Variants in NEXN observed in about 807,000 individuals in gnomAD.
NEXN encodes the protein nexilin.
NEXN carries 65 observed loss-of-function variants against 92.6 expected under a neutral mutation model. The ratio of observed to expected loss-of-function variants is 0.70; its 90% CI spans 0.57 to 0.86. The LOEUF (loss-of-function observed/expected upper bound fraction) is 0.86, where lower values mean the gene tolerates loss of function less well. NEXN is among the 40% of genes least tolerant of loss of function. The probability of loss-of-function intolerance (pLI) is 0.00; values close to 1 mark genes in which losing one functional copy is unlikely to be tolerated. For missense variants in NEXN, 778 were observed against 771.1 expected (o/e 1.01, Z -0.11); for synonymous variants, 254 against 242.5 (o/e 1.05, Z -0.44).
rs565626837 is a variant in NEXN at position 77,943,144 on chromosome 1, T to TG, written c.*322dup. 2.5e-5 allele frequency: 9 copies of TG among 354,294 alleles called. No homozygotes were observed. The highest frequency in any genetic ancestry group is 4.0e-5 in the Admixed American group (1 of 25,314). 21.9% of individuals were successfully genotyped at this position (354,294 alleles called of 1,614,324 possible). Reference sequence around the variant, plus strand: ...AGTAACAGTCAATAAAATGTACTTATGGGGGGGAATTACTCAATTATTCTA... The same window carrying TG: ...AGTAACAGTCAATAAAATGTACTTATGGGGGGGGAATTACTCAATTATTCTA... On this transcript the variant is annotated 3_prime_UTR_variant, in exon 13 of 13. Transcript: ENST00000334785.
intron 1 of NEXN, among the ~76,000 whole-genome samples, chr1:77,895,029 A>ATTTTTTTTTTTTTTTT (rs559226754): frequency 4.9e-5 from 3 of 61,652 alleles, no homozygotes; most frequent in African/African-American, 2.0e-4. Context: ...CTATAGTGTA[A>ATTTTTTTTTTTTTTTT]TTTTTTTTTT....
chr1:77,926,892 G>T lies in NEXN; in HGVS notation c.864G>T (p.Met288Ile), dbSNP rs371666396. The T allele has an allele frequency of 2.5e-6, 4 of 1,613,530 alleles. No individual in the cohort carries two copies. The highest frequency in any genetic ancestry group is 1.3e-5 in the African/African-American group (1 of 74,888). Residue 288 changes from methionine (M) to isoleucine (I), a missense_variant and splice_region_variant, in exon 8 of 13, where the codon ATG becomes ATT. Physicochemically the swap from Met to Ile is conservative, Grantham distance 10. Transcript: ENST00000334785. ...KRAFEEARRQ[M>I]VNEDEENQDT... ...CTTTTGAAGAAGCAAGGCGGCAAAT[G>T]GTAAATCTACATATTTAAACCTTAC... is the stretch of plus-strand genomic sequence containing the variant.
At position 77,917,850 on chromosome 1, in the gene NEXN, C is replaced by T. The variant is rs1363446744; in HGVS notation, c.219+93C>T. ...TCACATTAACCACATTTCACATTAA[C>T]TATAACTAAAATACTTTTCTGTATT... On this transcript the variant is annotated intron_variant, in intron 3 of 12. Transcript: ENST00000334785. The T allele has an allele frequency of 1.1e-5, 15 of 1,415,458 alleles. No homozygotes were observed. In the Admixed American group the frequency reaches 2.6e-4, roughly 24 times the overall value. The allele number at this position is 1,415,458 out of a possible 1,614,324, so 87.7% of individuals were successfully genotyped here. A position where few individuals can be genotyped will look rare whatever the true frequency, so the allele number is the denominator to read the frequency against.
At chr1:77,933,200 G>A in intron 9 of NEXN, 82 bp from the exon 10 acceptor site, 1 of 935,078 alleles carries the variant, frequency 1.1e-6, no homozygotes, top group Non-Finnish European at 1.6e-6. Context: ...ACAAAAAAAA[G>A]AAATCCCAGT....
At chr1:77,897,508 C>T (rs923087668) in intron 1 of NEXN, among the ~76,000 whole-genome samples, 1 of 152,108 alleles carries the variant, frequency 6.6e-6, no homozygotes, top group African/African-American at 2.4e-5. Context: ...TGGGATGTAT[C>T]TCAAAATAAT....
Position 77,936,044 on chromosome 1 carries a change from G to T in NEXN, c.1473G>T (p.Glu491Asp). ...IKEREAENFH[E>D]EDDVDVRPAR... Reference sequence around the variant, plus strand: ...AGCGAGAAGCTGAAAATTTTCATGAGGTATATTACCTTTATATTTAACATA... The same window carrying T: ...AGCGAGAAGCTGAAAATTTTCATGATGTATATTACCTTTATATTTAACATA... The change falls in exon 11 of 13, where the codon GAG becomes GAT. Residue 491 changes from glutamate (E) to aspartate (D), a missense_variant and splice_region_variant. By Grantham distance (45) the Glu-to-Asp change is conservative. Coordinates refer to ENST00000334785, the MANE Select transcript of NEXN (RefSeq NM_144573.4). The T allele has an allele frequency of 1.3e-6, 2 of 1,592,350 alleles. No individual in the cohort carries two copies. The highest frequency in any genetic ancestry group is 1.7e-6 in the Non-Finnish European group (2 of 1,160,738).
chr1:77,931,344 C>T (rs949062660), intron 9 of NEXN, among the ~76,000 whole-genome samples: 1 of 129,640 alleles, frequency 7.7e-6, no homozygotes, highest in African/African-American at 2.9e-5. Context: ...ACCTGGGAGG[C>T]GGAGCTTGCA....
chr1:77,908,691 C>G (rs1440206855), intron 1 of NEXN, among the ~76,000 whole-genome samples: 1 of 151,952 alleles, frequency 6.6e-6, no homozygotes, highest in Non-Finnish European at 1.5e-5. Context: ...TGAGCCACCA[C>G]AATTGTGTAA....
chr1:77,943,242 A>C lies in NEXN; in HGVS notation c.*413A>C. 4.4e-6 allele frequency: 1 copy of C among 226,804 alleles called. No homozygotes were observed. Among genetic ancestry groups the C allele is most frequent in the Admixed American group, 5.2e-5 (1 of 19,212 alleles). 14.0% of individuals were successfully genotyped at this position (226,804 alleles called of 1,614,324 possible). A position where few individuals can be genotyped will look rare whatever the true frequency, so the allele number is the denominator to read the frequency against. ...CTATGTTTAAAAAACAAAAACAAAA[A>C]AAAAACACACAAACCTAAGTAGAAT... is the stretch of plus-strand genomic sequence containing the variant. On this transcript the variant is annotated 3_prime_UTR_variant, in exon 13 of 13. Coordinates refer to ENST00000334785, the MANE Select transcript of NEXN (RefSeq NM_144573.4).
chr1:77,909,687 A>G (rs907869557), intron 1 of NEXN, among the ~76,000 whole-genome samples: 1 of 152,168 alleles, frequency 6.6e-6, no homozygotes, highest in Middle Eastern at 3.2e-3. Context: ...ATTACAGGGA[A>G]TCATGTCCCA....
chr1:77,928,843 C>T (rs1650067160), intron 8 of NEXN, among the ~76,000 whole-genome samples: 1 of 152,176 alleles, frequency 6.6e-6, no homozygotes, highest in Non-Finnish European at 1.5e-5. Context: ...ACCTACTGGG[C>T]TCAAGGGATC....
rs137853198 is a variant in NEXN at position 77,942,632 on chromosome 1, C to A, written c.1831C>A (p.Pro611Thr). ...FTVKVTGEPK[P>T]EITWWFEGEI... ...GGTTAAAGTAACAGGAGAACCCAAA[C>A]CAGAAATTACATGGTGGTTTGAAGG... The change falls in exon 13 of 13, where the codon CCA becomes ACA. Residue 611 changes from proline to threonine, a missense_variant. By Grantham distance (38) the Pro-to-Thr change is conservative (BLOSUM62 -1). This residue lies in a region of NEXN where 532 missense variants were observed against 476.7 expected (regional missense o/e 1.12). Coordinates refer to ENST00000334785, the MANE Select transcript of NEXN (RefSeq NM_144573.4). 6.2e-7 allele frequency: 1 copy of A among 1,613,616 alleles called. No homozygotes were observed.
chr1:77,942,947 A>C lies in NEXN; in HGVS notation c.*118A>C, dbSNP rs1557999453. On this transcript the variant is annotated 3_prime_UTR_variant, in exon 13 of 13. Coordinates refer to ENST00000334785, the MANE Select transcript of NEXN (RefSeq NM_144573.4). ...CCCTCTCCCTGGAACTTTCTCTTTC[A>C]CTCCAACTTTCTTACTACATCCATC... is the stretch of plus-strand genomic sequence containing the variant. 1 of 1,371,420 alleles carries C rather than the reference A, an allele frequency of 7.3e-7. No homozygotes were observed. The highest frequency in any genetic ancestry group is 1.3e-5 in the South Asian group (1 of 79,444). 85.0% of individuals were successfully genotyped at this position (1,371,420 alleles called of 1,614,324 possible).
At position 77,926,282 on chromosome 1, in the gene NEXN, A is replaced by G. The variant is rs1571134336; in HGVS notation, c.490-132A>G. 4 of 612,506 alleles carry G rather than the reference A, an allele frequency of 6.5e-6. No individual in the cohort carries two copies. The East Asian group carries it at 1.2e-4, about 18-fold the overall frequency. 37.9% of individuals were successfully genotyped at this position (612,506 alleles called of 1,614,324 possible). A position where few individuals can be genotyped will look rare whatever the true frequency, so the allele number is the denominator to read the frequency against. On this transcript the variant is annotated intron_variant, in intron 6 of 12. Coordinates refer to ENST00000334785, the MANE Select transcript of NEXN (RefSeq NM_144573.4). ...TTAGAGTAGGAGATATTTAATAATA[A>G]TCTGTAAAAAAATGTTCTTCATAAT...
In NEXN at chr1:77,905,258, C is replaced by CAA. The variant is rs35239130; in HGVS notation, c.-52-10787_-52-10786dup. 1.1e-3 allele frequency among the ~76,000 whole-genome samples: 166 copies of CAA among 149,704 alleles called. 1 individual carries two copies. The highest frequency in any genetic ancestry group is 1.4e-3 in the Non-Finnish European group (97 of 67,320). On this transcript the variant is annotated intron_variant, in intron 1 of 12. Coordinates refer to ENST00000334785, the MANE Select transcript of NEXN (RefSeq NM_144573.4). ...TGGGCAGTGGAGTGAGACTCCGTCTCAAAAAAAAAAATTAATATAAGTGGC... is the reference window on the plus strand; with the variant it reads ...TGGGCAGTGGAGTGAGACTCCGTCTCAAAAAAAAAAAAATTAATATAAGTGGC...
chr1:77,917,904 T>C, intron 3 of NEXN, 56 bp from the exon 4 acceptor site: 1 of 1,498,012 alleles, frequency 6.7e-7, no homozygotes. Flanking sequence ...CTGCATATAA[T>C]GTGATTTAGT....
intron 5 of NEXN, among the ~76,000 whole-genome samples, chr1:77,920,685 T>C: frequency 6.6e-6 from 1 of 151,578 alleles, no homozygotes; most frequent in African/African-American, 2.4e-5. Flanking sequence ...ACAGTGGATG[T>C]TAGAATCAAT....
At chr1:77,914,201 C>T (rs1648789983) in intron 1 of NEXN, among the ~76,000 whole-genome samples, 1 of 152,158 alleles carries the variant, frequency 6.6e-6, no homozygotes, top group Admixed American at 6.5e-5. Context: ...GAATGTACAA[C>T]TCAGGAGTAA....
intron 11 of NEXN, among the ~76,000 whole-genome samples, chr1:77,938,107 G>A (rs1234612917): frequency 1.3e-5 from 2 of 152,074 alleles, no homozygotes; most frequent in East Asian, 3.9e-4. Flanking sequence ...AGTTTGGAAG[G>A]AAAAGAGGTT....
Sources: gnomAD v4.1 joint callset for allele counts (sites outside exome capture counted in the v4.1 genomes callset) on GRCh38, gnomAD v4.1.1 for gene constraint, gnomAD v4.1.1 regional missense constraint, MANE v1.5 for transcripts, NCBI Gene and HGNC (gene_info 2026-07-23, HGNC 2026-07-21) for gene names.